Variants in MEAK7 observed in about 807,000 individuals in gnomAD.
MEAK7 encodes the protein MTOR associated protein MEAK7, also known as MTOR-associated protein MEAK7.
MEAK7 carries 68 observed loss-of-function variants against 40.5 expected under a neutral mutation model. The observed-to-expected ratio is 1.68, with a 90% CI of 1.38 to 2.06. MEAK7 has a LOEUF of 2.06. MEAK7 is among the 30% of genes most tolerant of loss of function. The pLI is 0.00. For missense variants in MEAK7, 918 were observed against 580.5 expected (o/e 1.58, Z -5.98); for synonymous variants, 338 against 231.9 (o/e 1.46, Z -4.16).
chr16:84,490,327 A>G (rs1913461934), intron 3 of MEAK7, among the ~76,000 whole-genome samples: 1 of 151,898 alleles, frequency 6.6e-6, no homozygotes, highest in Non-Finnish European at 1.5e-5. Context: ...AAAGGAAAAA[A>G]ACATTTTGAC....
intron 6 of MEAK7, among the ~76,000 whole-genome samples, chr16:84,482,145 C>A (rs1016526841): frequency 6.6e-6 from 1 of 152,238 alleles, no homozygotes; most frequent in East Asian, 1.9e-4. Context: ...CAAGCTGAAG[C>A]GAGGGCTGGA....
intron 1 of MEAK7, among the ~76,000 whole-genome samples, chr16:84,501,392 T>A (rs1914494852): frequency 6.6e-6 from 1 of 151,844 alleles, no homozygotes. Flanking sequence ...ACCCAGCCCC[T>A]CACTTCCATC....
chr16:84,497,140 C>A, intron 2 of MEAK7: 1 of 242,702 alleles, frequency 4.1e-6, no homozygotes, highest in African/African-American at 2.3e-5. Context: ...GATGTAACCC[C>A]CTGGCCAGTT....
rs772078362 is a variant in MEAK7, at chr16:84,479,983, TG to T, written c.1300del (p.Gln434ArgfsTer40). ...KSILDADPEA[Q>X]ALLEISGHSR... Reference sequence around the variant, plus strand: ...ATGCCCACTGATCTCCAGCAGGGCCTGGGCCTCAGGGTCCGCATCCAGGATG... The same window carrying T: ...ATGCCCACTGATCTCCAGCAGGGCCTGGCCTCAGGGTCCGCATCCAGGATG... On this transcript the variant is annotated frameshift_variant, in exon 8 of 8. Transcript: ENST00000343629. LOFTEE classifies it low-confidence loss of function (END_TRUNC). 6.2e-7 allele frequency: 1 copy of T among 1,609,282 alleles called. No individual in the cohort carries two copies. Among genetic ancestry groups the T allele is most frequent in the Non-Finnish European group, 8.5e-7 (1 of 1,176,852 alleles).
At chr16:84,481,126 C>T (rs996666717) in intron 6 of MEAK7, among the ~76,000 whole-genome samples, 11 of 152,250 alleles carry the variant, frequency 7.2e-5, no homozygotes, top group Non-Finnish European at 1.2e-4. Flanking sequence ...GCCCCGCTTC[C>T]GGGCAGCGAT....
chr16:84,491,969 G>C (rs781759159), intron 3 of MEAK7, among the ~76,000 whole-genome samples: 3 of 151,992 alleles, frequency 2.0e-5, no homozygotes, highest in Non-Finnish European at 4.4e-5. Context: ...TGATTCCTAG[G>C]GCTAAAAGAG....
At chr16:84,480,159 T>C (rs1912397854) in intron 7 of MEAK7, 133 bp from the exon 8 acceptor site, 3 of 692,742 alleles carry the variant, frequency 4.3e-6, no homozygotes, top group Non-Finnish European at 2.3e-6. Context: ...ACTCTGGGAT[T>C]CAGTGGCTGG....
chr16:84,497,924 T>C lies in MEAK7; in HGVS notation c.153+10A>G. 6.2e-7 allele frequency: 1 copy of C among 1,614,210 alleles called. No homozygotes were observed. The highest frequency in any genetic ancestry group is 8.5e-7 in the Non-Finnish European group (1 of 1,180,032). ...CCAACTAAACATGAACCACGGGTTGTTACTCTTGCCTGTAGTGCCTTCAGA... is the reference window on the plus strand; with the variant it reads ...CCAACTAAACATGAACCACGGGTTGCTACTCTTGCCTGTAGTGCCTTCAGA... On this transcript the variant is annotated intron_variant, in intron 2 of 7. Transcript: ENST00000343629.
intron 2 of MEAK7, chr16:84,497,570 C>T: frequency 7.7e-7 from 1 of 1,300,134 alleles, no homozygotes; most frequent in South Asian, 1.2e-5. Context: ...GGCTATCTCT[C>T]TCCTCTGATG....
chr16:84,477,053 G>C lies in MEAK7; in HGVS notation c.*2860C>G, dbSNP rs1246871938. On this transcript the variant is annotated 3_prime_UTR_variant, in exon 8 of 8. Coordinates refer to ENST00000343629, the MANE Select transcript of MEAK7 (RefSeq NM_020947.4). ...ACCACAGGCATGTGTTACCATGCCT[G>C]GTTAATTTTCGTATTTTTTTTTGTA... 1 of 152,032 alleles carries C rather than the reference G, an allele frequency of 6.6e-6. No homozygotes were observed. Among genetic ancestry groups the C allele is most frequent in the African/African-American group, 2.4e-5 (1 of 41,312 alleles). The allele number at this position is 152,032 out of a possible 1,614,324, so 9.4% of individuals were successfully genotyped here.
At chr16:84,490,621 G>C (rs396491) in intron 3 of MEAK7, among the ~76,000 whole-genome samples, 61,349 of 146,548 alleles carry the variant, frequency 0.42, 13,390 homozygotes, top group South Asian at 0.6. Flanking sequence ...AGAGCTCAAT[G>C]GTTAAAGTCA....
intron 3 of MEAK7, among the ~76,000 whole-genome samples, chr16:84,492,505 A>C (rs1209054237): frequency 1.3e-5 from 2 of 151,856 alleles, no homozygotes; most frequent in Non-Finnish European, 2.9e-5. Context: ...TTGAGTTAGC[A>C]CTTTGGCTAA....
In MEAK7 at chr16:84,497,834, C is replaced by T. The variant is rs1183833972; in HGVS notation, c.153+100G>A. The T allele has an allele frequency of 6.6e-6, 10 of 1,526,580 alleles. No homozygotes were observed. The South Asian group carries it at 9.2e-5, about 14-fold the overall frequency. 94.6% of individuals were successfully genotyped at this position (1,526,580 alleles called of 1,614,324 possible). ...AAACCAACTTTTCAGTGTTGCCATCCATCCCATTACAAAAACACGAAAGCA... is the reference window on the plus strand; with the variant it reads ...AAACCAACTTTTCAGTGTTGCCATCTATCCCATTACAAAAACACGAAAGCA... On this transcript the variant is annotated intron_variant, in intron 2 of 7. Transcript: ENST00000343629.
chr16:84,481,060 G>A (rs1406950301), intron 6 of MEAK7, among the ~76,000 whole-genome samples: 1 of 60,468 alleles, frequency 1.7e-5, no homozygotes. Flanking sequence ...GTTAAGATAA[G>A]GGGAGAGGTG....
At position 84,479,895 on chromosome 16, in the gene MEAK7, G is replaced by A. The variant is rs746861323; in HGVS notation, c.*18C>T. On this transcript the variant is annotated 3_prime_UTR_variant, in exon 8 of 8. Coordinates refer to ENST00000343629, the MANE Select transcript of MEAK7 (RefSeq NM_020947.4). ...AGAGGAATCCAGGTCCTGGCTCCAG[G>A]AAGGCTCAGGCGGCTCCTCATTCAT... 19 of 1,571,190 alleles carry A rather than the reference G, an allele frequency of 1.2e-5. No individual in the cohort carries two copies. The highest frequency in any genetic ancestry group is 7.8e-6 in the Non-Finnish European group (9 of 1,152,478).
rs191999079 is a variant in MEAK7, at chr16:84,496,190, C to T, written c.154-277G>A. 4.9e-4 allele frequency among the ~76,000 whole-genome samples: 74 copies of T among 152,278 alleles called. 2 individuals are homozygous for T. The East Asian group carries it at 9.3e-3, about 19-fold the overall frequency. On this transcript the variant is annotated intron_variant, in intron 2 of 7. Transcript: ENST00000343629. ...CCCCACATGTTCCTGGCAACATGGC[C>T]GCCTCCACATATCCCCACGTGTATA...
At chr16:84,497,300 G>C (rs888620380) in intron 2 of MEAK7, 3 of 758,784 alleles carry the variant, frequency 4.0e-6, no homozygotes, top group Non-Finnish European at 5.5e-6. Flanking sequence ...AGAGCCCCAT[G>C]GAACGGGGAA....
At chr16:84,481,844 G>C (rs1354920152) in intron 6 of MEAK7, among the ~76,000 whole-genome samples, 1 of 152,168 alleles carries the variant, frequency 6.6e-6, no homozygotes, top group Non-Finnish European at 1.5e-5. Context: ...TGAGGCAGGA[G>C]AATGGCGTGA....
At position 84,479,270 on chromosome 16, in the gene MEAK7, C is replaced by T. The variant is rs1347086139; in HGVS notation, c.*643G>A. The T allele has an allele frequency of 6.6e-6, 1 of 152,230 alleles. No homozygotes were observed. The highest frequency in any genetic ancestry group is 1.5e-5 in the Non-Finnish European group (1 of 68,078). 9.4% of individuals were successfully genotyped at this position (152,230 alleles called of 1,614,324 possible). On this transcript the variant is annotated 3_prime_UTR_variant, in exon 8 of 8. Coordinates refer to ENST00000343629, the MANE Select transcript of MEAK7 (RefSeq NM_020947.4). ...AGATTTTCATCCAGATGCCTCTGTC[C>T]CTCACCCGTCAGAACAGACCATCAG...
Sources: allele counts gnomAD v4.1 joint callset (sites outside exome capture counted in the v4.1 genomes callset), GRCh38; gene constraint gnomAD v4.1.1; transcripts MANE v1.5; gene names NCBI Gene and HGNC (gene_info 2026-07-23, HGNC 2026-07-21).